CTNNA2: variants seen among roughly 807,000 people sequenced by gnomAD.
CTNNA2 encodes the protein catenin alpha-2.
In CTNNA2, 42 loss-of-function variants were observed where a neutral mutation model predicts 101.0. The observed-to-expected ratio is 0.42, with a 90% CI of 0.32 to 0.54. The LOEUF (loss-of-function observed/expected upper bound fraction) is 0.54, where lower values mean the gene tolerates loss of function less well. Among genes scored for constraint, CTNNA2 ranks in the 20% least tolerant of loss-of-function variants. CTNNA2 has a pLI of 0.14. For synonymous variants in CTNNA2, 450 were observed against 456.4 expected (o/e 0.99, Z 0.18); for missense variants, 871 against 1,223.1 (o/e 0.71, Z 4.29).
chr2:79,768,898 A>G (rs931264498), intron 3 of CTNNA2, among the ~76,000 whole-genome samples: 1 of 152,148 alleles, frequency 6.6e-6, no homozygotes, highest in African/African-American at 2.4e-5. Context: ...TCTGTCGCCC[A>G]GGCTGGAGTG....
chr2:80,136,127 A>G (rs989650290), intron 7 of CTNNA2, among the ~76,000 whole-genome samples: 2 of 152,176 alleles, frequency 1.3e-5, no homozygotes, highest in Non-Finnish European at 2.9e-5. Context: ...CAGCATTTAG[A>G]TGAGGTAATA....
chr2:80,253,864 A>G (rs1671945419), intron 7 of CTNNA2, among the ~76,000 whole-genome samples: 1 of 152,176 alleles, frequency 6.6e-6, no homozygotes, highest in Non-Finnish European at 1.5e-5. Flanking sequence ...GAATAATGGC[A>G]TGGAGATAGG....
chr2:80,161,425 A>G, intron 7 of CTNNA2, among the ~76,000 whole-genome samples: 1 of 152,198 alleles, frequency 6.6e-6, no homozygotes, highest in South Asian at 2.1e-4. Flanking sequence ...ATGAACTTTT[A>G]TAAACAATTC....
chr2:80,089,872 C>T (rs865870849), intron 7 of CTNNA2, among the ~76,000 whole-genome samples: 7 of 152,028 alleles, frequency 4.6e-5, no homozygotes, highest in Non-Finnish European at 1.5e-5. Context: ...AGAAATGTGG[C>T]TCTCTAGGGC....
rs909939870 is a variant in CTNNA2 at position 80,261,399 on chromosome 2, A to T, written c.1057-131812A>T. Among the ~76,000 whole-genome samples the T allele has an allele frequency of 7.9e-5, 12 of 152,110 alleles. No homozygotes were observed. The East Asian group carries it at 2.0e-3, about 25-fold the overall frequency. ...GTTGTAGGTTAGAATGTACCTCAGAAATTAGCTTCATCCAGTTTAATGACT... is the reference window on the plus strand; with the variant it reads ...GTTGTAGGTTAGAATGTACCTCAGATATTAGCTTCATCCAGTTTAATGACT... On this transcript the variant is annotated intron_variant, in intron 7 of 18. Transcript: ENST00000402739.
intron 18 of CTNNA2, among the ~76,000 whole-genome samples, chr2:80,621,344 A>G (rs1671100711): frequency 6.6e-6 from 1 of 152,036 alleles, no homozygotes; most frequent in Non-Finnish European, 1.5e-5. Flanking sequence ...AAATCCAGAA[A>G]AAACATTCAG....
At position 80,606,414 on chromosome 2, in the gene CTNNA2, C is replaced by CCACCCA. The variant is rs796937438; in HGVS notation, c.2296-1769_2296-1768insACCCAC. Among the ~76,000 whole-genome samples, 8 of 51,632 alleles carry CCACCCA rather than the reference C, an allele frequency of 1.5e-4. 1 individual carries two copies. Among genetic ancestry groups the CCACCCA allele is most frequent in the South Asian group, 6.8e-4 (2 of 2,928 alleles). The allele number at this position is 51,632 out of a possible 152,430, so 33.9% of individuals were successfully genotyped here. ...CACACACACACACACACACACACAC[C>CCACCCA]CCCCAGGATACATTTATTTTGAGAT... is the stretch of plus-strand genomic sequence containing the variant. On this transcript the variant is annotated intron_variant, in intron 16 of 18. Transcript: ENST00000402739.
At chr2:79,247,430 G>C (rs1433002462) in intron 2 of CTNNA2, among the ~76,000 whole-genome samples, 1 of 152,170 alleles carries the variant, frequency 6.6e-6, no homozygotes, top group African/African-American at 2.4e-5. Context: ...ATAATGATGT[G>C]AATACCTTCA....
chr2:79,702,862 A>G (rs1377398828), intron 2 of CTNNA2, among the ~76,000 whole-genome samples: 1 of 152,184 alleles, frequency 6.6e-6, no homozygotes, highest in African/African-American at 2.4e-5. Flanking sequence ...TACTGCTACG[A>G]AAGTCTAAAC....
In CTNNA2 at chr2:79,321,255, T is replaced by G. The variant is rs72917275; in HGVS notation, c.-318+8459T>G. 4.4e-3 allele frequency among the ~76,000 whole-genome samples: 667 copies of G among 152,332 alleles called. 4 individuals are homozygous for G. The highest frequency in any genetic ancestry group is 0.016 in the African/African-American group (648 of 41,564). ...GCAACTTTGTTGGCAAAACCAGGAT[T>G]TGTTCCAGTGTCTGATGACTCTGAA... On this transcript the variant is annotated intron_variant, in intron 3 of 21. Coordinates refer to the CTNNA2 transcript ENST00000466387.
chr2:79,919,516 G>T (rs561937425), intron 7 of CTNNA2, among the ~76,000 whole-genome samples: 6 of 152,170 alleles, frequency 3.9e-5, no homozygotes, highest in Middle Eastern at 3.2e-3. Context: ...AGCTGAGATT[G>T]TTGACAGAGC....
intron 2 of CTNNA2, among the ~76,000 whole-genome samples, chr2:79,269,060 C>G (rs1038945288): frequency 6.6e-6 from 1 of 152,022 alleles, no homozygotes; most frequent in African/African-American, 2.4e-5. Flanking sequence ...AAGGCTCTAT[C>G]TATGCGGTAT....
intron 2 of CTNNA2, among the ~76,000 whole-genome samples, chr2:79,229,712 GA>G (rs1674465535): frequency 2.6e-5 from 4 of 151,078 alleles, no homozygotes; most frequent in African/African-American, 9.7e-5. Context: ...CTCAGAGGAA[GA>G]AAGAAAAATA....
At chr2:79,691,631 A>G (rs1319456407) in intron 2 of CTNNA2, among the ~76,000 whole-genome samples, 1 of 152,166 alleles carries the variant, frequency 6.6e-6, no homozygotes, top group Non-Finnish European at 1.5e-5. Context: ...ACTATACTAC[A>G]AGGCTACAGT....
chr2:80,514,714 C>T (rs1056867132), intron 9 of CTNNA2, among the ~76,000 whole-genome samples: 2 of 152,082 alleles, frequency 1.3e-5, no homozygotes, highest in Non-Finnish European at 1.5e-5. Context: ...AAAGTCCAGC[C>T]GTCCCTCTGA....
chr2:79,812,880 C>G (rs1677162679), intron 3 of CTNNA2, among the ~76,000 whole-genome samples: 1 of 152,072 alleles, frequency 6.6e-6, no homozygotes, highest in Non-Finnish European at 1.5e-5. Flanking sequence ...CTGGAACGTC[C>G]TATGTCTAAT....
chr2:79,645,176 G>A (rs963281119), intron 1 of CTNNA2, among the ~76,000 whole-genome samples: 1 of 151,772 alleles, frequency 6.6e-6, no homozygotes. Flanking sequence ...TGTAGAGATG[G>A]GGTTTCATCA....
At chr2:80,317,803 C>T (rs1678274230) in intron 7 of CTNNA2, among the ~76,000 whole-genome samples, 1 of 152,156 alleles carries the variant, frequency 6.6e-6, no homozygotes, top group Non-Finnish European at 1.5e-5. Flanking sequence ...AAACATAACT[C>T]ATTGAAGTCA....
At chr2:80,544,334 A>T (rs534522303) in intron 9 of CTNNA2, among the ~76,000 whole-genome samples, 1 of 152,168 alleles carries the variant, frequency 6.6e-6, no homozygotes, top group African/African-American at 2.4e-5. Context: ...TGAAAATGGA[A>T]GGTGCCAGAA....
Sources: gnomAD v4.1 joint callset for allele counts (sites outside exome capture counted in the v4.1 genomes callset) on GRCh38, gnomAD v4.1.1 for gene constraint, MANE v1.5 for transcripts, NCBI Gene and HGNC (gene_info 2026-07-23, HGNC 2026-07-21) for gene names.